The following DNAH6 variants were observed in gnomAD, a reference collection of about 807,000 sequenced individuals.
The protein encoded by DNAH6 is dynein axonemal heavy chain 6.
DNAH6 carries 340 observed loss-of-function variants against 491.4 expected under a neutral mutation model. The ratio of observed to expected loss-of-function variants is 0.69; its 90% CI spans 0.63 to 0.76. The LOEUF (loss-of-function observed/expected upper bound fraction) is 0.76. Ranked by LOEUF, DNAH6 falls within the 30% of genes least tolerant of loss-of-function variation. The pLI is 0.00. For synonymous variants in DNAH6, 1,603 were observed against 1,686.1 expected (o/e 0.95, Z 1.21); for missense variants, 4,443 against 4,972.2 (o/e 0.89, Z 3.20).
At chr2:84,737,300 T>A (rs912925798) in intron 62 of DNAH6, among the ~76,000 whole-genome samples, 1 of 152,106 alleles carries the variant, frequency 6.6e-6, no homozygotes, top group Non-Finnish European at 1.5e-5. Flanking sequence ...TTTCTTTTTG[T>A]GTCTGTGCCA....
intron 17 of DNAH6, among the ~76,000 whole-genome samples, chr2:84,594,849 A>G (rs1363731994): frequency 6.6e-6 from 1 of 152,236 alleles, no homozygotes; most frequent in Non-Finnish European, 1.5e-5. Flanking sequence ...GAATAAGAAG[A>G]ACAAAGTTCA....
intron 48 of DNAH6, among the ~76,000 whole-genome samples, chr2:84,700,397 G>A (rs1695789333): frequency 6.6e-6 from 1 of 152,086 alleles, no homozygotes; most frequent in African/African-American, 2.4e-5. Flanking sequence ...TTGAAGTTCT[G>A]TTTTCATTGC....
chr2:84,703,866 G>C (rs1312821620), intron 50 of DNAH6, among the ~76,000 whole-genome samples: 1 of 152,156 alleles, frequency 6.6e-6, no homozygotes, highest in Non-Finnish European at 1.5e-5. Flanking sequence ...AGATGGAACT[G>C]TTTGTTATAA....
In DNAH6 at chr2:84,648,724, G is replaced by C. The variant is rs369748492; in HGVS notation, c.5079-4595G>C. On this transcript the variant is annotated intron_variant, in intron 33 of 76. Transcript: ENST00000389394. ...GAGTTGCTTCTTATGGATTAGCAAAGAAAGTAGTTTCCTGAGATGGGATCT... is the reference window on the plus strand; with the variant it reads ...GAGTTGCTTCTTATGGATTAGCAAACAAAGTAGTTTCCTGAGATGGGATCT... 3.1e-4 allele frequency among the ~76,000 whole-genome samples: 47 copies of C among 152,310 alleles called. No individual in the cohort carries two copies. The South Asian group carries it at 9.3e-3, about 30-fold the overall frequency.
upstream of DNAH6, among the ~76,000 whole-genome samples, chr2:84,514,089 T>C (rs542850756): frequency 6.6e-6 from 1 of 152,194 alleles, no homozygotes; most frequent in Non-Finnish European, 1.5e-5. Flanking sequence ...AAGCTATATG[T>C]TCTTTGTATA....
chr2:84,638,707 A>G (rs1267407521), intron 31 of DNAH6, among the ~76,000 whole-genome samples: 1 of 152,222 alleles, frequency 6.6e-6, no homozygotes, highest in Non-Finnish European at 1.5e-5. Context: ...TTGCATTGCC[A>G]TAAAGAAATA....
Position 84,685,300 on chromosome 2 carries a change from T to C in DNAH6, c.6917-26T>C, listed in dbSNP as rs917769759. The C allele has an allele frequency of 1.8e-5, 26 of 1,422,774 alleles. No individual in the cohort carries two copies. In the Admixed American group the frequency reaches 5.2e-4, roughly 28 times the overall value. 88.1% of individuals were successfully genotyped at this position (1,422,774 alleles called of 1,614,324 possible). ...TTCTACAAATGTAGAATTTTTCTTTTTTTTTTTCCTTTTCTTAAAAAACAG... is the reference window on the plus strand; with the variant it reads ...TTCTACAAATGTAGAATTTTTCTTTCTTTTTTTCCTTTTCTTAAAAAACAG... On this transcript the variant is annotated intron_variant, in intron 42 of 76. Coordinates refer to ENST00000389394, the MANE Select transcript of DNAH6 (RefSeq NM_001370.2).
Position 84,559,636 on chromosome 2 carries a change from A to G in DNAH6, c.1803+1701A>G, listed in dbSNP as rs1680441468. 2.6e-5 allele frequency among the ~76,000 whole-genome samples: 4 copies of G among 152,180 alleles called. No individual in the cohort carries two copies. The South Asian group carries it at 8.3e-4, about 31-fold the overall frequency. The stretch of plus-strand genomic sequence containing the variant: ...ACATATTTCATTTTGCTCTACTGAC[A>G]GAACAGAATGCTCTTGAACTAAAAA... On this transcript the variant is annotated intron_variant, in intron 11 of 76. Transcript: ENST00000389394.
At chr2:84,802,201 C>T (rs1457117793) in intron 70 of DNAH6, among the ~76,000 whole-genome samples, 1 of 152,176 alleles carries the variant, frequency 6.6e-6, no homozygotes, top group Non-Finnish European at 1.5e-5. Context: ...AACAACACCT[C>T]ACATATCAAT....
chr2:84,664,616 CA>C (rs1408127390), intron 37 of DNAH6, among the ~76,000 whole-genome samples: 1 of 152,106 alleles, frequency 6.6e-6, no homozygotes, highest in Non-Finnish European at 1.5e-5. Context: ...TAGAGACCTA[CA>C]AAGAGACTTA....
intron 10 of DNAH6, among the ~76,000 whole-genome samples, chr2:84,553,374 TTTCTTTCTTTC>T: frequency 2.8e-5 from 1 of 35,520 alleles, no homozygotes; most frequent in Admixed American, 2.3e-4. Context: ...CTTTTCTTTC[TTTCTTTCTTTC>T]TTTCTTTCTT....
chr2:84,787,938 G>T (rs902650322), intron 68 of DNAH6, among the ~76,000 whole-genome samples: 3 of 152,152 alleles, frequency 2.0e-5, no homozygotes, highest in African/African-American at 4.8e-5. Context: ...ACTGGGAAGT[G>T]GGGGAAGGAG....
intron 33 of DNAH6, among the ~76,000 whole-genome samples, chr2:84,649,747 G>A (rs542003818): frequency 1.3e-5 from 2 of 152,052 alleles, no homozygotes; most frequent in South Asian, 2.1e-4. Context: ...CAGGGACATG[G>A]ATGAAGCTGG....
At position 84,557,795 on chromosome 2, in the gene DNAH6, G is replaced by C; in HGVS notation, c.1663G>C (p.Val555Leu). The C allele has an allele frequency of 6.2e-7, 1 of 1,609,548 alleles. No individual in the cohort carries two copies. Among genetic ancestry groups the C allele is most frequent in the Non-Finnish European group, 8.5e-7 (1 of 1,178,610 alleles). Residue 555 changes from valine to leucine, a missense_variant, in exon 11 of 77, where the codon GTG becomes CTG. Physicochemically the swap from Val to Leu is conservative, Grantham distance 32. Coordinates refer to ENST00000389394, the MANE Select transcript of DNAH6 (RefSeq NM_001370.2). ...CACTGTGTTATCAGTTCCTAATCTC[G>C]TGCCTGATTCGTATTTTGATGCTTT... ...QNTVLSVPNLVPDSYFDAFTS... is the reference protein window; with the variant it reads ...QNTVLSVPNLLPDSYFDAFTS...
At chr2:84,500,788 T>C in the DNAH6 span, among the ~76,000 whole-genome samples, 10 of 152,236 alleles carry the variant, frequency 6.6e-5, no homozygotes, top group Non-Finnish European at 1.0e-4. Context: ...TTTGTGGCTA[T>C]TATAAATGAG....
rs187062435 is a variant in DNAH6 at position 84,632,115 on chromosome 2, T to C, written c.4516-2389T>C. On this transcript the variant is annotated intron_variant, in intron 29 of 76. Transcript: ENST00000389394. ...TGAAAACAAAGAATTGGAGATCACC[T>C]GACTTGAAAAAGTATTTGTTAACCA... 4.6e-3 allele frequency among the ~76,000 whole-genome samples: 699 copies of C among 152,352 alleles called. 4 individuals are homozygous for C. Among genetic ancestry groups the C allele is most frequent in the Middle Eastern group, 0.02 (6 of 294 alleles).
At chr2:84,595,613 A>G in intron 17 of DNAH6, 33 bp from the exon 18 acceptor site, 1 of 1,504,356 alleles carries the variant, frequency 6.6e-7, no homozygotes. Flanking sequence ...TTATGTTTTA[A>G]CTTGTTTTGC....
chr2:84,725,489 G>T (rs1373401901), intron 60 of DNAH6, among the ~76,000 whole-genome samples: 1 of 152,138 alleles, frequency 6.6e-6, no homozygotes, highest in Non-Finnish European at 1.5e-5. Context: ...CAGTTGACAG[G>T]TATTAACCCA....
At chr2:84,733,905 CAT>C (rs1324959001) in intron 62 of DNAH6, among the ~76,000 whole-genome samples, 6 of 150,948 alleles carry the variant, frequency 4.0e-5, no homozygotes, top group African/African-American at 1.5e-4. Context: ...TGAAGGATAA[CAT>C]AAATCCAGAA....
Sources: gnomAD v4.1 joint callset for allele counts (sites outside exome capture counted in the v4.1 genomes callset) on GRCh38, gnomAD v4.1.1 for gene constraint, MANE v1.5 for transcripts, NCBI Gene and HGNC (gene_info 2026-07-23, HGNC 2026-07-21) for gene names.